The following TECRL variants were observed in gnomAD, a reference collection of about 807,000 sequenced individuals.
TECRL encodes trans-2,3-enoyl-CoA reductase-like.
Under a neutral mutation model 52.8 loss-of-function variants are expected in TECRL, and 63 were observed. The ratio of observed to expected loss-of-function variants is 1.19; its 90% CI spans 0.97 to 1.47. TECRL has a LOEUF of 1.47. TECRL is among the 40% of genes most tolerant of loss of function. TECRL has a pLI of 0.00. For synonymous variants in TECRL, 164 were observed against 141.9 expected (o/e 1.16, Z -1.10); for missense variants, 482 against 429.6 (o/e 1.12, Z -1.08).
At chr4:64,288,872 C>T (rs1434401709) in intron 9 of TECRL, among the ~76,000 whole-genome samples, 1 of 152,118 alleles carries the variant, frequency 6.6e-6, no homozygotes, top group African/African-American at 2.4e-5. Flanking sequence ...GTCTGACTGC[C>T]CATCACACAA....
intron 1 of TECRL, among the ~76,000 whole-genome samples, chr4:64,385,591 T>TA (rs1723120802): frequency 1.3e-5 from 2 of 152,068 alleles, no homozygotes; most frequent in African/African-American, 4.8e-5. Context: ...TCTAGGTGGA[T>TA]ATGAGGGGAT....
intron 2 of TECRL, among the ~76,000 whole-genome samples, chr4:64,332,506 A>G (rs1326481540): frequency 6.6e-6 from 1 of 152,194 alleles, no homozygotes; most frequent in Non-Finnish European, 1.5e-5. Context: ...AATAAAATAG[A>G]ACGAAGAATG....
At chr4:64,312,766 C>CA (rs5858874) in intron 5 of TECRL, among the ~76,000 whole-genome samples, 92,107 of 143,722 alleles carry the variant, frequency 0.64, 31,105 homozygotes, top group Non-Finnish European at 0.76. Flanking sequence ...GACCCTCTCT[C>CA]AAAAAAAAAA....
intron 1 of TECRL, among the ~76,000 whole-genome samples, chr4:64,399,324 T>C (rs1339500946): frequency 6.6e-6 from 1 of 152,132 alleles, no homozygotes; most frequent in African/African-American, 2.4e-5. Flanking sequence ...TTGGAACTTA[T>C]ATTTAAAAGA....
intron 4 of TECRL, among the ~76,000 whole-genome samples, chr4:64,315,433 G>T (rs1358384434): frequency 6.6e-6 from 1 of 151,972 alleles, no homozygotes; most frequent in Non-Finnish European, 1.5e-5. Flanking sequence ...TGGCTAACTG[G>T]TCTAAATTTG....
At chr4:64,307,374 G>T (rs1724401806) in intron 6 of TECRL, among the ~76,000 whole-genome samples, 1 of 152,164 alleles carries the variant, frequency 6.6e-6, no homozygotes, top group Non-Finnish European at 1.5e-5. Flanking sequence ...AGGTAAGTGT[G>T]ACTATTCCTA....
intron 2 of TECRL, among the ~76,000 whole-genome samples, chr4:64,338,794 A>C (rs926314910): frequency 1.2e-4 from 18 of 152,180 alleles, no homozygotes; most frequent in Middle Eastern, 3.2e-3. Flanking sequence ...CAGGTGCTGG[A>C]GAGGATGTGG....
intron 1 of TECRL, among the ~76,000 whole-genome samples, chr4:64,393,507 C>T (rs1723697932): frequency 6.6e-6 from 1 of 151,942 alleles, no homozygotes; most frequent in Non-Finnish European, 1.5e-5. Flanking sequence ...TTACAAATTC[C>T]TCCTTGTAAG....
chr4:64,326,635 C>T (rs1488165720), intron 3 of TECRL, among the ~76,000 whole-genome samples: 1 of 152,102 alleles, frequency 6.6e-6, no homozygotes, highest in South Asian at 2.1e-4. Context: ...AAGGGAATTT[C>T]ATGAAAGTTG....
rs750309097 is a variant in TECRL, at chr4:64,281,558, TCCTTTTTCAAAGG to T, written c.833-12_833del. On this transcript the variant is annotated splice_acceptor_variant and splice_polypyrimidine_tract_variant and coding_sequence_variant and intron_variant, in exon 10 of 12. Transcript: ENST00000381210. LOFTEE classifies it high-confidence loss of function. ...TTGGACTTGGGAAACAGGCATTGTTTCCTTTTTCAAAGGAAAGTAAAATGTCAATGATGCTACA... is the reference window on the plus strand; with the variant it reads ...TTGGACTTGGGAAACAGGCATTGTTTAAAGTAAAATGTCAATGATGCTACA... 1.3e-6 allele frequency: 2 copies of T among 1,584,608 alleles called. No individual in the cohort carries two copies. Among genetic ancestry groups the T allele is most frequent in the East Asian group, 4.5e-5 (2 of 44,298 alleles).
chr4:64,316,635 AT>A (rs1367328837), intron 4 of TECRL, among the ~76,000 whole-genome samples: 2 of 152,140 alleles, frequency 1.3e-5, no homozygotes, highest in Non-Finnish European at 2.9e-5. Flanking sequence ...ATAAAACAAA[AT>A]CAAAACCAAA....
intron 2 of TECRL, among the ~76,000 whole-genome samples, chr4:64,352,747 A>G (rs543049489): frequency 1.3e-5 from 2 of 152,310 alleles, no homozygotes; most frequent in East Asian, 1.9e-4. Flanking sequence ...AAGCACTTCT[A>G]TGTGTTTAGG....
At chr4:64,385,486 C>T (rs766583105) in intron 1 of TECRL, among the ~76,000 whole-genome samples, 1 of 152,120 alleles carries the variant, frequency 6.6e-6, no homozygotes, top group Non-Finnish European at 1.5e-5. Context: ...ACTACACCAC[C>T]CTCCTGTTTC....
At chr4:64,308,803 C>T (rs574488562) in intron 6 of TECRL, among the ~76,000 whole-genome samples, 1 of 152,038 alleles carries the variant, frequency 6.6e-6, no homozygotes, top group Non-Finnish European at 1.5e-5. Flanking sequence ...TCCACTTGTA[C>T]TAATATTAAT....
chr4:64,384,360 G>T (rs1267543361), intron 1 of TECRL, among the ~76,000 whole-genome samples: 2 of 152,140 alleles, frequency 1.3e-5, no homozygotes, highest in Non-Finnish European at 2.9e-5. Context: ...AGCAGTGGTG[G>T]CAACTGGATG....
At chr4:64,409,045 AG>A (rs1724917376) in intron 1 of TECRL, 72 bp downstream of exon 1, 1 of 1,281,890 alleles carries the variant, frequency 7.8e-7, no homozygotes, top group Non-Finnish European at 1.1e-6. Context: ...AATTTAATCA[AG>A]CAATCAATAA....
intron 7 of TECRL, among the ~76,000 whole-genome samples, chr4:64,303,162 T>C (rs931499505): frequency 1.3e-5 from 2 of 151,486 alleles, no homozygotes; most frequent in African/African-American, 4.8e-5. Flanking sequence ...AAATATTCTA[T>C]TAAAGACTTA....
chr4:64,385,950 G>GCCA (rs1412316874), intron 1 of TECRL, among the ~76,000 whole-genome samples: 2 of 152,218 alleles, frequency 1.3e-5, no homozygotes, highest in African/African-American at 4.8e-5. Context: ...ATGATTCAGA[G>GCCA]CTTTCATGCC....
chr4:64,330,833 C>T (rs535731170), intron 2 of TECRL, among the ~76,000 whole-genome samples: 1 of 152,148 alleles, frequency 6.6e-6, no homozygotes, highest in South Asian at 2.1e-4. Flanking sequence ...GCAGTCAATA[C>T]AATAAGAATG....
Sources: gnomAD v4.1 joint callset for allele counts (sites outside exome capture counted in the v4.1 genomes callset) on GRCh38, gnomAD v4.1.1 for gene constraint, MANE v1.5 for transcripts, NCBI Gene and HGNC (gene_info 2026-07-23, HGNC 2026-07-21) for gene names.